The following SYN1 variants were observed in gnomAD, a reference collection of about 807,000 sequenced individuals.
SYN1 encodes the protein synapsin I.
A neutral mutation model predicts 44.6 loss-of-function variants in SYN1; 8 were observed. That is an observed-to-expected ratio of 0.18 (90% confidence interval 0.11 to 0.32). The LOEUF is 0.32. Among genes scored for constraint, SYN1 ranks in the 10% least tolerant of loss-of-function variants. SYN1 has a pLI of 1.00. For missense variants in SYN1, 451 were observed against 639.4 expected (o/e 0.71, Z 3.18); for synonymous variants, 275 against 280.1 (o/e 0.98, Z 0.18).
At chrX:47,603,803 CTA>C (rs2057886889) in intron 5 of SYN1, among the ~76,000 whole-genome samples, 2 of 108,455 alleles carry the variant, frequency 1.8e-5, no homozygotes, top group African/African-American at 3.4e-5. Context: ...CTACTAGAAA[CTA>C]TAATTTAATT....
intron 3 of SYN1, among the ~76,000 whole-genome samples, chrX:47,605,737 C>T (rs771691680): frequency 2.9e-4 from 32 of 110,868 alleles, no homozygotes; most frequent in Middle Eastern, 4.6e-3. Flanking sequence ...TTCCATCTGC[C>T]TAAAGCACTT....
intron 6 of SYN1, 65 bp from the exon 7 acceptor site, chrX:47,576,705 C>T: frequency 8.4e-7 from 1 of 1,183,943 alleles, no homozygotes. Flanking sequence ...AGTGGGGGTG[C>T]CTGGGGGAGC....
intron 10 of SYN1, 148 bp downstream of exon 10, chrX:47,574,980 C>A: frequency 1.1e-6 from 1 of 904,486 alleles, no homozygotes. Context: ...AGCTGCTTAT[C>A]AATGTTTTAA....
intron 1 of SYN1, among the ~76,000 whole-genome samples, chrX:47,609,038 A>C (rs1019711946): frequency 4.6e-5 from 5 of 107,931 alleles, no homozygotes; most frequent in Non-Finnish European, 9.6e-5. Flanking sequence ...ACACACACAC[A>C]CCATCGCTGA....
intron 1 of SYN1, among the ~76,000 whole-genome samples, chrX:47,608,271 GAA>G (rs112782223): frequency 0.23 from 2,782 of 12,309 alleles, 155 homozygotes; most frequent in Middle Eastern, 0.33. Flanking sequence ...AGGAAGGAAG[GAA>G]GGAAGGAAGG....
rs767057570 is a variant in SYN1 at position 47,607,182 on chromosome X, C to A, written c.394G>T (p.Gly132Trp). ...TCAATTTCTCCATGGATCTTTTTCC[C>A]TTTGAAGTATTTTGCCCTGGAGAGG... is the stretch of plus-strand genomic sequence containing the variant. ...PHTDWAKYFK[G>W]KKIHGEIDIK... The change falls in exon 2 of 13, where the codon GGG (glycine) becomes TGG (tryptophan). Residue 132 changes from glycine (G) to tryptophan (W), a missense_variant. Gly to Trp is a radical substitution (Grantham distance 184). Around this residue, in one of 3 missense-constraint regions of SYN1, gnomAD observed 315 missense variants for 451.4 expected, o/e 0.70. Transcript: ENST00000295987. 8.3e-7 allele frequency: 1 copy of A among 1,211,417 alleles called. No individual in the cohort carries two copies. The highest frequency in any genetic ancestry group is 1.8e-5 in the South Asian group (1 of 56,951).
chrX:47,582,555 C>T, intron 5 of SYN1: 2 of 360,998 alleles, frequency 5.5e-6, no homozygotes, highest in South Asian at 5.1e-5. Flanking sequence ...CGTGCACTCC[C>T]GTGCCAGATG....
rs188558996 is a variant in SYN1 at position 47,606,849 on chromosome X, C to T, written c.527+96G>A. ...CATTCCATGCCTAAGTTCTTGCCCA[C>T]AGAAGGATGGGTGGGGAGGTAGGAA... On this transcript the variant is annotated intron_variant, in intron 3 of 12. Coordinates refer to ENST00000295987, the MANE Select transcript of SYN1 (RefSeq NM_006950.3). 35 of 890,740 alleles carry T rather than the reference C, an allele frequency of 3.9e-5. No homozygotes were observed. In the Admixed American group the frequency reaches 8.5e-4, roughly 22 times the overall value. 73.4% of individuals were successfully genotyped at this position (890,740 alleles called of 1,213,427 possible).
chrX:47,577,986 C>G (rs950527476), intron 5 of SYN1, among the ~76,000 whole-genome samples: 8 of 110,445 alleles, frequency 7.2e-5, no homozygotes, highest in South Asian at 3.9e-4. Flanking sequence ...GCCCTTGGAA[C>G]TCAGATGTAC....
intron 5 of SYN1, chrX:47,583,643 A>G: frequency 1.1e-6 from 1 of 934,451 alleles, no homozygotes; most frequent in Non-Finnish European, 1.4e-6. Context: ...TCGCCCCTGC[A>G]CTTCCTCTGC....
intron 5 of SYN1, among the ~76,000 whole-genome samples, chrX:47,589,083 C>T (rs1487763142): frequency 1.8e-5 from 2 of 109,933 alleles, no homozygotes; most frequent in Non-Finnish European, 3.8e-5. Context: ...GGGCAGATCA[C>T]GAGGTCAGGA....
intron 1 of SYN1, among the ~76,000 whole-genome samples, chrX:47,616,214 A>T (rs1429133396): frequency 9.1e-6 from 1 of 110,416 alleles, no homozygotes; most frequent in South Asian, 3.8e-4. Context: ...TGTCCACCCC[A>T]CCCCACATAT....
At chrX:47,586,000 C>A in intron 5 of SYN1, 1 of 1,020,569 alleles carries the variant, frequency 9.8e-7, no homozygotes, top group Admixed American at 3.0e-5. Context: ...CTCCAAGAAC[C>A]CAAAGTGCTG....
intron 5 of SYN1, among the ~76,000 whole-genome samples, chrX:47,577,783 C>T (rs1224907230): frequency 9.7e-6 from 1 of 102,710 alleles, no homozygotes; most frequent in Admixed American, 1.1e-4. Context: ...ATGGTATGAG[C>T]GTGGGGGACT....
Position 47,574,193 on chromosome X carries a change from T to C in SYN1, c.1791A>G (p.Pro597=). Residue 597 remains proline, a synonymous_variant, in exon 12 of 13, where the codon CCA becomes CCG. Transcript: ENST00000295987. ...RQGPPQKPPG[P]AGPTRQASQA... ...GGCTGGCCTGGCGTGTGGGGCCGGC[T>C]GGGCCTGGGGGTTTCTGGGGCGGGC... 4.7e-6 allele frequency: 5 copies of C among 1,062,139 alleles called. No homozygotes were observed. Among genetic ancestry groups the C allele is most frequent in the African/African-American group, 2.0e-5 (1 of 51,080 alleles). 87.5% of individuals were successfully genotyped at this position (1,062,139 alleles called of 1,213,427 possible). A position where few individuals can be genotyped will look rare whatever the true frequency, so the allele number is the denominator to read the frequency against.
intron 4 of SYN1, 43 bp from the exon 5 acceptor site, chrX:47,605,110 G>A (rs1378795046): frequency 1.7e-6 from 2 of 1,199,580 alleles, no homozygotes. Flanking sequence ...CCTTCACCAC[G>A]AATCTGTAAG....
At chrX:47,577,331 C>T (rs1603052213) in intron 6 of SYN1, 108 bp downstream of exon 6, 4 of 869,527 alleles carry the variant, frequency 4.6e-6, no homozygotes, top group Non-Finnish European at 6.6e-6. Flanking sequence ...ATTACTTTTG[C>T]ACCAACCTGA....
rs1339768860 is a variant in SYN1 at position 47,619,358 on chromosome X, G to A, written c.371C>T (p.Thr124Ile). The A allele has an allele frequency of 8.3e-6, 10 of 1,200,297 alleles. No homozygotes were observed. In the Admixed American group the frequency reaches 2.0e-4, roughly 24 times the overall value. ...GTCCGCGGCAGTGGCTTACCAGTCG[G>A]TGTGCGGCTCGTCGATGACCAGCAG... The part of the protein sequence containing the change: ...RVLLVIDEPH[T>I]DWAKYFKGKK... Residue 124 changes from threonine to isoleucine, a missense_variant, in exon 1 of 13, where the codon ACC (threonine) becomes ATC (isoleucine). Physicochemically the swap from Thr to Ile is moderately conservative, Grantham distance 89. Coordinates refer to ENST00000295987, the MANE Select transcript of SYN1 (RefSeq NM_006950.3).
intron 5 of SYN1, among the ~76,000 whole-genome samples, chrX:47,580,787 G>T (rs2057795122): frequency 1.8e-5 from 2 of 110,067 alleles, no homozygotes; most frequent in South Asian, 7.9e-4. Flanking sequence ...ACAAAAATTA[G>T]CTGGGGGTGG....
Sources: gnomAD v4.1 joint callset for allele counts (sites outside exome capture counted in the v4.1 genomes callset) on GRCh38, gnomAD v4.1.1 for gene constraint, gnomAD v4.1.1 regional missense constraint, MANE v1.5 for transcripts, NCBI Gene and HGNC (gene_info 2026-07-23, HGNC 2026-07-21) for gene names.